Variants in RGSL1 observed in about 807,000 individuals in gnomAD.
RGSL1 encodes the protein regulator of G protein signaling like 1, also known as regulator of G protein signaling protein-like.
RGSL1 carries 97 observed loss-of-function variants against 124.7 expected under a neutral mutation model. The observed-to-expected ratio is 0.78, with a 90% CI of 0.66 to 0.92. The LOEUF (loss-of-function observed/expected upper bound fraction) is 0.92. RGSL1 is among the 40% of genes least tolerant of loss of function. RGSL1 has a pLI of 0.00. For missense variants in RGSL1, 1,233 were observed against 1,288.4 expected (o/e 0.96, Z 0.66); for synonymous variants, 424 against 438.1 (o/e 0.97, Z 0.40).
Position 182,556,095 on chromosome 1 carries a change from G to C in RGSL1, c.*38G>C. On this transcript the variant is annotated 3_prime_UTR_variant, in exon 21 of 22. Coordinates refer to ENST00000294854, the MANE Select transcript of RGSL1 (RefSeq NM_001137669.2). ...CCCAGCAGAGATAAATCATCTCTTA[G>C]AGGCCTCCTAACACTGACAGAAACT... 3 of 1,535,382 alleles carry C rather than the reference G, an allele frequency of 2.0e-6. No homozygotes were observed. Among genetic ancestry groups the C allele is most frequent in the Middle Eastern group, 3.4e-4 (2 of 5,962 alleles).
In RGSL1 at chr1:182,451,013, G is replaced by A. The variant is rs140063407; in HGVS notation, c.13+835G>A. On this transcript the variant is annotated intron_variant, in intron 1 of 21. Transcript: ENST00000294854. ...AATACAGAAATTAGCCAGGTGTGGTGGCATGCACTGTAATCCCAGCTACTG... is the reference window on the plus strand; with the variant it reads ...AATACAGAAATTAGCCAGGTGTGGTAGCATGCACTGTAATCCCAGCTACTG... Among the ~76,000 whole-genome samples, 825 of 152,098 alleles carry A rather than the reference G, an allele frequency of 5.4e-3. 5 individuals carry two copies. Among genetic ancestry groups the A allele is most frequent in the African/African-American group, 0.018 (756 of 41,482 alleles).
chr1:182,464,713 G>A (rs1359360543), intron 4 of RGSL1, among the ~76,000 whole-genome samples: 1 of 149,074 alleles, frequency 6.7e-6, no homozygotes, highest in Admixed American at 6.7e-5. Context: ...GACAGAGCAA[G>A]ACTCTGCTCA....
intron 6 of RGSL1, among the ~76,000 whole-genome samples, chr1:182,487,087 A>G (rs1019334171): frequency 2.0e-5 from 3 of 152,194 alleles, no homozygotes; most frequent in Non-Finnish European, 2.9e-5. Flanking sequence ...AATGAGTAAC[A>G]TTATATTACA....
At chr1:182,532,622 C>A (rs1449044040) in intron 13 of RGSL1, 40 bp from the exon 14 acceptor site, 1 of 1,541,490 alleles carries the variant, frequency 6.5e-7, no homozygotes, top group South Asian at 1.2e-5. Flanking sequence ...GAACAGCAAC[C>A]ATACTAATGA....
At chr1:182,497,232 T>A (rs34004617) in intron 9 of RGSL1, among the ~76,000 whole-genome samples, 119,980 of 144,070 alleles carry the variant, frequency 0.83, 49,397 homozygotes, top group Non-Finnish European at 0.88. Context: ...GATAGAAAGA[T>A]AGATAGATAG....
At chr1:182,500,761 G>C (rs1412630210) in intron 9 of RGSL1, among the ~76,000 whole-genome samples, 2 of 152,024 alleles carry the variant, frequency 1.3e-5, no homozygotes, top group Non-Finnish European at 2.9e-5. Context: ...TATTGTAAGT[G>C]GAACTATTTT....
chr1:182,548,310 T>C lies in RGSL1; in HGVS notation c.2670-7T>C. The stretch of plus-strand genomic sequence containing the variant: ...TCCTGATTTCCTACTTCACATTTCT[T>C]TTTTAGATTTAATGATCTGGTCAGT... On this transcript the variant is annotated splice_polypyrimidine_tract_variant and splice_region_variant and intron_variant, in intron 15 of 21. Transcript: ENST00000294854. 1 of 1,551,898 alleles carries C rather than the reference T, an allele frequency of 6.4e-7. No homozygotes were observed.
chr1:182,518,499 G>A (rs1451150142), intron 9 of RGSL1, among the ~76,000 whole-genome samples: 1 of 152,144 alleles, frequency 6.6e-6, no homozygotes, highest in Non-Finnish European at 1.5e-5. Flanking sequence ...ATAGAGCAGA[G>A]TTTCCAGAAC....
At chr1:182,549,047 C>G in intron 17 of RGSL1, 2 of 467,794 alleles carry the variant, frequency 4.3e-6, no homozygotes, top group East Asian at 8.5e-5. Context: ...AGCCAAACGC[C>G]TGGTTTCCCA....
At position 182,523,205 on chromosome 1, in the gene RGSL1, T is replaced by TC. The variant is rs766719140; in HGVS notation, c.1931+1096_1931+1097insC. ...GCACATGCCACCATGCCTGTTTTTT[T>TC]TTCTTTTTTTTTTTTTCTAGAGACT... On this transcript the variant is annotated intron_variant, in intron 10 of 21. Coordinates refer to ENST00000294854, the MANE Select transcript of RGSL1 (RefSeq NM_001137669.2). 3.0e-3 allele frequency among the ~76,000 whole-genome samples: 439 copies of TC among 144,518 alleles called. 3 individuals carry two copies. The highest frequency in any genetic ancestry group is 6.5e-3 in the African/African-American group (258 of 39,744). 94.8% of individuals were successfully genotyped at this position (144,518 alleles called of 152,430 possible). A position where few individuals can be genotyped will look rare whatever the true frequency, so the allele number is the denominator to read the frequency against.
At position 182,519,956 on chromosome 1, in the gene RGSL1, T is replaced by C. The variant is rs1055404697; in HGVS notation, c.1826-2048T>C. ...TTTGATATTTTCCTTTGTCTTATAA[T>C]TACTTGAATTATATTAATAATAGTC... On this transcript the variant is annotated intron_variant, in intron 9 of 21. Coordinates refer to ENST00000294854, the MANE Select transcript of RGSL1 (RefSeq NM_001137669.2). Among the ~76,000 whole-genome samples the C allele has an allele frequency of 5.3e-5, 8 of 152,298 alleles. 1 individual carries two copies. Among genetic ancestry groups the C allele is most frequent in the East Asian group, 1.9e-4 (1 of 5,190 alleles).
At chr1:182,540,880 T>G (rs1000310684) in intron 15 of RGSL1, among the ~76,000 whole-genome samples, 1 of 152,210 alleles carries the variant, frequency 6.6e-6, no homozygotes, top group Non-Finnish European at 1.5e-5. Flanking sequence ...AAATTTTTTA[T>G]GTAAAGCCAA....
In RGSL1 at chr1:182,474,087, A is replaced by G. The variant is rs899943293; in HGVS notation, c.976A>G (p.Ser326Gly). Residue 326 changes from serine to glycine, a missense_variant, in exon 6 of 22, where the codon AGC (serine) becomes GGC (glycine). Physicochemically the swap from Ser to Gly is moderately conservative, Grantham distance 56 (BLOSUM62 0). Coordinates refer to ENST00000294854, the MANE Select transcript of RGSL1 (RefSeq NM_001137669.2). Reference protein sequence around the residue: ...KISSMENKAKSHLHMEAPFET... With the variant: ...KISSMENKAKGHLHMEAPFET... ...ATCCAGCATGGAGAATAAAGCCAAG[A>G]GCCACCTCCACATGGAAGCCCCCTT... 2 of 1,551,680 alleles carry G rather than the reference A, an allele frequency of 1.3e-6. No individual in the cohort carries two copies. The highest frequency in any genetic ancestry group is 2.0e-5 in the Admixed American group (1 of 50,980).
At chr1:182,534,565 C>T (rs574299900) in intron 14 of RGSL1, among the ~76,000 whole-genome samples, 5 of 152,282 alleles carry the variant, frequency 3.3e-5, no homozygotes, top group Admixed American at 2.0e-4. Context: ...CGGTGGCTTA[C>T]GCCTGTAATC....
In RGSL1 at chr1:182,472,486, TC is replaced by T. The variant is rs1185928427; in HGVS notation, c.394del (p.Leu132SerfsTer4). 6.4e-7 allele frequency: 1 copy of T among 1,550,984 alleles called. No homozygotes were observed. The highest frequency in any genetic ancestry group is 2.4e-5 in the East Asian group (1 of 40,912). On this transcript the variant is annotated frameshift_variant, in exon 5 of 22. Coordinates refer to ENST00000294854, the MANE Select transcript of RGSL1 (RefSeq NM_001137669.2). LOFTEE classifies it high-confidence loss of function. ...GAAGTGAGAGACTACTACCTGTCCCTCCTCCTCATGCTGAGGGCCACTCATC... is the reference window on the plus strand; with the variant it reads ...GAAGTGAGAGACTACTACCTGTCCCTCTCCTCATGCTGAGGGCCACTCATC... Reference protein sequence around the residue: ...DLEVRDYYLSLLLMLRATHLQ... With the variant: ...DLEVRDYYLSXLLMLRATHLQ...
intron 4 of RGSL1, among the ~76,000 whole-genome samples, chr1:182,462,672 G>A (rs1652944935): frequency 6.6e-6 from 1 of 152,010 alleles, no homozygotes. Context: ...TATATTTTGG[G>A]GAACACAATG....
At chr1:182,553,564 C>T (rs746112239) in intron 19 of RGSL1, 23 bp downstream of exon 19, 2 of 1,546,632 alleles carry the variant, frequency 1.3e-6, no homozygotes, top group Non-Finnish European at 8.8e-7. Flanking sequence ...TGGATCCCCA[C>T]TGATAGTTTG....
chr1:182,506,052 C>T (rs1656784867), intron 9 of RGSL1, among the ~76,000 whole-genome samples: 1 of 152,166 alleles, frequency 6.6e-6, no homozygotes, highest in Non-Finnish European at 1.5e-5. Flanking sequence ...GACACCCTTG[C>T]CTCAGTCTCA....
At chr1:182,470,092 G>A (rs948560899) in intron 4 of RGSL1, among the ~76,000 whole-genome samples, 7 of 151,966 alleles carry the variant, frequency 4.6e-5, no homozygotes, top group African/African-American at 1.7e-4. Flanking sequence ...TGGTCATGAT[G>A]GTTGTACAAA....
Sources: allele counts gnomAD v4.1 joint callset (sites outside exome capture counted in the v4.1 genomes callset), GRCh38; gene constraint gnomAD v4.1.1; transcripts MANE v1.5; gene names NCBI Gene and HGNC (gene_info 2026-07-23, HGNC 2026-07-21).